Variants in COL4A2 observed in about 807,000 individuals in gnomAD.
COL4A2 encodes collagen type IV alpha 2 chain, also known as collagen alpha-2(IV) chain.
In COL4A2, 99 loss-of-function variants were observed where a neutral mutation model predicts 200.2. The ratio of observed to expected loss-of-function variants is 0.49; its 90% CI spans 0.42 to 0.58. The LOEUF (loss-of-function observed/expected upper bound fraction) is 0.58. Ranked by LOEUF, COL4A2 falls within the 20% of genes least tolerant of loss-of-function variation. The pLI is 0.00. For synonymous variants in COL4A2, 897 were observed against 900.6 expected (o/e 1.00, Z 0.07); for missense variants, 1,950 against 2,314.1 (o/e 0.84, Z 3.23).
At chr13:110,441,010 T>C (rs547877620) in intron 16 of COL4A2, among the ~76,000 whole-genome samples, 57 of 152,360 alleles carry the variant, frequency 3.7e-4, no homozygotes, top group African/African-American at 1.3e-3. Context: ...GTGCGCCATA[T>C]TTCCTTACGC....
At chr13:110,419,526 T>C (rs1164475612) in intron 4 of COL4A2, among the ~76,000 whole-genome samples, 1 of 152,242 alleles carries the variant, frequency 6.6e-6, no homozygotes, top group Non-Finnish European at 1.5e-5. Flanking sequence ...AGGGCTACAC[T>C]GCGTGTGCCC....
intron 3 of COL4A2, among the ~76,000 whole-genome samples, chr13:110,315,334 ATT>A (rs1325404806): frequency 6.6e-6 from 1 of 152,228 alleles, no homozygotes; most frequent in Non-Finnish European, 1.5e-5. Context: ...ATAAGTCATG[ATT>A]GTAGCTCTAT....
chr13:110,448,069 A>G (rs1032964497), intron 18 of COL4A2, among the ~76,000 whole-genome samples: 2 of 152,196 alleles, frequency 1.3e-5, no homozygotes, highest in Non-Finnish European at 2.9e-5. Flanking sequence ...CTCAGCTTCC[A>G]TGATGCCCGT....
At chr13:110,423,867 G>A (rs1880355135) in intron 4 of COL4A2, among the ~76,000 whole-genome samples, 1 of 152,140 alleles carries the variant, frequency 6.6e-6, no homozygotes, top group Non-Finnish European at 1.5e-5. Flanking sequence ...AGTCCTCAAG[G>A]TTCTTCCGTG....
rs372790473 is a variant in COL4A2 at position 110,409,001 on chromosome 13, TAC to T, written c.181-15723_181-15722del. Among the ~76,000 whole-genome samples, 33 of 31,556 alleles carry T rather than the reference TAC, an allele frequency of 1.0e-3. 11 individuals carry two copies. The highest frequency in any genetic ancestry group is 5.6e-3 in the Admixed American group (14 of 2,502). The allele number at this position is 31,556 out of a possible 152,430, so 20.7% of individuals were successfully genotyped here. On this transcript the variant is annotated intron_variant, in intron 4 of 47. Coordinates refer to ENST00000360467, the MANE Select transcript of COL4A2 (RefSeq NM_001846.4). Reference sequence around the variant, plus strand: ...ACACACACATGCACACACGCACACATACACACACACATACACATGGACACGCG... The same window carrying T: ...ACACACACATGCACACACGCACACATACACACACATACACATGGACACGCG...
chr13:110,486,074 A>G (rs767989266), intron 34 of COL4A2, among the ~76,000 whole-genome samples: 4 of 152,166 alleles, frequency 2.6e-5, no homozygotes, highest in Non-Finnish European at 5.9e-5. Flanking sequence ...TGCTGGGTGA[A>G]GCATGTTGTC....
intron 3 of COL4A2, among the ~76,000 whole-genome samples, chr13:110,357,213 G>A (rs1334413554): frequency 6.6e-6 from 1 of 152,084 alleles, no homozygotes; most frequent in Non-Finnish European, 1.5e-5. Context: ...GTACATCCTG[G>A]TGCAGGATGT....
chr13:110,391,337 G>A lies in COL4A2; in HGVS notation c.181-33397G>A, dbSNP rs1205844951. Among the ~76,000 whole-genome samples the A allele has an allele frequency of 4.6e-5, 7 of 152,340 alleles. No homozygotes were observed. In the East Asian group the frequency reaches 1.2e-3, roughly 25 times the overall value. On this transcript the variant is annotated intron_variant, in intron 4 of 47. Transcript: ENST00000360467. Reference sequence around the variant, plus strand: ...TCACAAAAGAACTAGAAGCAAAATGGTGACTATCAGAAAACCTTACCCAAT... The same window carrying A: ...TCACAAAAGAACTAGAAGCAAAATGATGACTATCAGAAAACCTTACCCAAT...
intron 35 of COL4A2, 54 bp from the exon 36 acceptor site, chr13:110,489,657 C>T: frequency 6.2e-7 from 1 of 1,610,536 alleles, no homozygotes; most frequent in Non-Finnish European, 8.5e-7. Context: ...TTGCAAAACT[C>T]ACAAAGTCCC....
At chr13:110,345,201 C>T (rs1054868514) in intron 3 of COL4A2, among the ~76,000 whole-genome samples, 2 of 152,176 alleles carry the variant, frequency 1.3e-5, no homozygotes, top group African/African-American at 4.8e-5. Flanking sequence ...GTATGGAGGA[C>T]ATTCCAAGCT....
rs1883969086 is a variant in COL4A2 at position 110,508,615 on chromosome 13, C to T, written c.4881+394C>T. ...ATCTTATTTAGAATCTATCTGGAAC[C>T]TAGAATACCCTGAAGAAATACCTAT... On this transcript the variant is annotated intron_variant, in intron 47 of 47. Transcript: ENST00000360467. The surrounding 1 kb of genome is among the most constrained non-coding windows in gnomAD (Gnocchi z 6.1). Among the ~76,000 whole-genome samples the T allele has an allele frequency of 6.6e-6, 1 of 152,320 alleles. No homozygotes were observed. The highest frequency in any genetic ancestry group is 2.4e-5 in the African/African-American group (1 of 41,568).
chr13:110,321,146 G>A (rs932041855), intron 3 of COL4A2, among the ~76,000 whole-genome samples: 2 of 150,960 alleles, frequency 1.3e-5, no homozygotes, highest in Non-Finnish European at 2.9e-5. Flanking sequence ...GTCACATCAG[G>A]TCTCATATAT....
chr13:110,360,692 C>G (rs1002917266), intron 4 of COL4A2, among the ~76,000 whole-genome samples: 1 of 152,190 alleles, frequency 6.6e-6, no homozygotes, highest in Non-Finnish European at 1.5e-5. Flanking sequence ...CTTGGCTGTC[C>G]TCTAGTTATC....
chr13:110,473,022 C>A lies in COL4A2; in HGVS notation c.2297C>A (p.Pro766His). 1.3e-6 allele frequency: 2 copies of A among 1,516,434 alleles called. No homozygotes were observed. The highest frequency in any genetic ancestry group is 2.3e-5 in the Admixed American group (1 of 43,636). The allele number at this position is 1,516,434 out of a possible 1,614,324, so 93.9% of individuals were successfully genotyped here. A position where few individuals can be genotyped will look rare whatever the true frequency, so the allele number is the denominator to read the frequency against. ...GPIGLPGPDG[P>H]PGERGLPGEV... is the part of the protein sequence containing the mutation. ...ATCGGCCTGCCAGGGCCAGATGGGCCCCCTGGGGAAAGGGGCCTCCCTGGA... is the reference window on the plus strand; with the variant it reads ...ATCGGCCTGCCAGGGCCAGATGGGCACCCTGGGGAAAGGGGCCTCCCTGGA... Residue 766 changes from proline (P) to histidine (H), a missense_variant, in exon 29 of 48, where the codon CCC becomes CAC. Pro to His is a moderately conservative substitution (Grantham distance 77). Around this residue, in one of 2 missense-constraint regions of COL4A2, gnomAD observed 1,385 missense variants for 1,720.5 expected, o/e 0.80. Coordinates refer to ENST00000360467, the MANE Select transcript of COL4A2 (RefSeq NM_001846.4).
chr13:110,438,046 A>C lies in COL4A2; in HGVS notation c.861+9A>C, dbSNP rs761106713. The C allele has an allele frequency of 2.7e-5, 44 of 1,612,344 alleles. No individual in the cohort carries two copies. Among genetic ancestry groups the C allele is most frequent in the Non-Finnish European group, 3.6e-5 (43 of 1,178,706 alleles). On this transcript the variant is annotated intron_variant, in intron 14 of 47. Coordinates refer to ENST00000360467, the MANE Select transcript of COL4A2 (RefSeq NM_001846.4). ...GGGAACCAGGAATAAGAGTAAGTCG[A>C]GTAATGAGCATGCCCCCTCCCCTGT...
At chr13:110,421,949 C>T (rs1337247511) in intron 4 of COL4A2, among the ~76,000 whole-genome samples, 2 of 152,210 alleles carry the variant, frequency 1.3e-5, no homozygotes, top group African/African-American at 2.4e-5. Context: ...ATCAATAAGA[C>T]GTGCATATTT....
chr13:110,309,834 C>A (rs1457656307), intron 3 of COL4A2, among the ~76,000 whole-genome samples: 1 of 151,906 alleles, frequency 6.6e-6, no homozygotes, highest in Admixed American at 6.6e-5. Flanking sequence ...TACTAAAATA[C>A]AAAAAAATCA....
Position 110,337,244 on chromosome 13 carries a change from A to C in COL4A2, c.100-20228A>C, listed in dbSNP as rs538336299. 2.7e-3 allele frequency among the ~76,000 whole-genome samples: 416 copies of C among 152,338 alleles called. 3 individuals are homozygous for C. Among genetic ancestry groups the C allele is most frequent in the Non-Finnish European group, 4.7e-3 (318 of 68,034 alleles). On this transcript the variant is annotated intron_variant, in intron 3 of 47. Transcript: ENST00000360467. ...GCCGGAAGTTTTAGAAGCACCCGGC[A>C]TGATGCTGATCACAGCCAAGTTTGG...
intron 24 of COL4A2, among the ~76,000 whole-genome samples, chr13:110,463,681 C>T (rs1882123167): frequency 6.6e-6 from 1 of 152,178 alleles, no homozygotes; most frequent in Non-Finnish European, 1.5e-5. Flanking sequence ...CACAGGTGCA[C>T]ACCAGCACAC....
Sources: allele counts gnomAD v4.1 joint callset (sites outside exome capture counted in the v4.1 genomes callset), GRCh38; gene constraint gnomAD v4.1.1; regional missense constraint gnomAD v4.1.1; non-coding constraint Gnocchi (gnomAD v3.1); transcripts MANE v1.5; gene names NCBI Gene and HGNC (gene_info 2026-07-23, HGNC 2026-07-21).